Variants in ADAMTS20 observed in about 807,000 individuals in gnomAD.
The protein encoded by ADAMTS20 is ADAM metallopeptidase with thrombospondin type 1 motif 20.
In ADAMTS20, 225 loss-of-function variants were observed where a neutral mutation model predicts 260.1. The observed-to-expected ratio is 0.87, with a 90% CI of 0.78 to 0.97. The LOEUF (loss-of-function observed/expected upper bound fraction) is 0.97, where lower values mean the gene tolerates loss of function less well. Among genes scored for constraint, ADAMTS20 ranks in the 50% least tolerant of loss-of-function variants. The pLI is 0.00. For synonymous variants in ADAMTS20, 802 were observed against 769.5 expected, an observed-to-expected ratio of 1.04 and a Z score of -0.70; for missense variants, 2,400 against 2,337.7, an observed-to-expected ratio of 1.03 and a Z score of -0.55.
Position 43,516,561 on chromosome 12 carries a change from C to T in ADAMTS20, c.614-14156G>A, listed in dbSNP as rs138446659. Among the ~76,000 whole-genome samples the T allele has an allele frequency of 7.4e-3, 1,128 of 152,270 alleles. 18 individuals are homozygous for T. The highest frequency in any genetic ancestry group is 0.027 in the African/African-American group (1,104 of 41,560). ...TAGAAAAAGTTGTATATCTTGCTCT[C>T]TACAAATCTATTTGTTTTCACTTAT... On this transcript the variant is annotated intron_variant, in intron 3 of 38. Transcript: ENST00000389420.
intron 7 of ADAMTS20, among the ~76,000 whole-genome samples, chr12:43,474,039 G>T (rs1258063671): frequency 1.3e-5 from 2 of 151,712 alleles, no homozygotes; most frequent in African/African-American, 2.4e-5. Context: ...AAAAATCAAT[G>T]AATCCAGGAA....
Position 43,543,977 on chromosome 12 carries a change from T to C in ADAMTS20, c.453+6932A>G, listed in dbSNP as rs948034331. 2.6e-5 allele frequency among the ~76,000 whole-genome samples: 4 copies of C among 152,180 alleles called. No homozygotes were observed. In the South Asian group the frequency reaches 8.3e-4, roughly 32 times the overall value. On this transcript the variant is annotated intron_variant, in intron 2 of 38. Transcript: ENST00000389420. ...CAATATTTTTCCAATAGAAAACACA[T>C]AACTGTACCACCAAAACCTAATAGT...
rs772861359 is a variant in ADAMTS20, at chr12:43,468,600, G to A, written c.1223C>T (p.Thr408Ile). ...AFTIAHELGH[T>I]LGVQHDDNPR... ...TAAGGAGGTGACAGAAGGTACTTAC[G>A]TGTGCCCAAGCTCATGGGCTATAGT... Residue 408 changes from threonine (T) to isoleucine (I), a missense_variant and splice_region_variant, in exon 8 of 39, where the codon ACA (threonine) becomes ATA (isoleucine). Coordinates refer to ENST00000389420, the MANE Select transcript of ADAMTS20 (RefSeq NM_025003.5). The A allele has an allele frequency of 2.4e-5, 38 of 1,580,304 alleles. No individual in the cohort carries two copies. The highest frequency in any genetic ancestry group is 5.7e-5 in the South Asian group (5 of 88,200).
chr12:43,501,950 T>C (rs1260455806), intron 4 of ADAMTS20, among the ~76,000 whole-genome samples: 1 of 152,150 alleles, frequency 6.6e-6, no homozygotes, highest in African/African-American at 2.4e-5. Flanking sequence ...TTTTAAATGT[T>C]TTAGAAAGGT....
chr12:43,477,005 AAAAG>A (rs1206054128), intron 7 of ADAMTS20, among the ~76,000 whole-genome samples: 4 of 151,526 alleles, frequency 2.6e-5, no homozygotes, highest in Non-Finnish European at 4.4e-5. Context: ...AAAAAAAAAA[AAAAG>A]TGTCAGACAT....
At chr12:43,445,652 C>T (rs1164587604) in intron 15 of ADAMTS20, among the ~76,000 whole-genome samples, 1 of 149,764 alleles carries the variant, frequency 6.7e-6, no homozygotes, top group African/African-American at 2.5e-5. Context: ...TGAGACCAAC[C>T]TAGCAATACA....
chr12:43,359,897 A>C (rs1939830220), intron 37 of ADAMTS20, among the ~76,000 whole-genome samples: 2 of 152,202 alleles, frequency 1.3e-5, no homozygotes, highest in South Asian at 4.1e-4. Flanking sequence ...TTTTGAAGAA[A>C]ATTTCCAAAA....
chr12:43,393,740 T>C (rs938040530), intron 29 of ADAMTS20, among the ~76,000 whole-genome samples: 2 of 152,064 alleles, frequency 1.3e-5, no homozygotes, highest in Non-Finnish European at 2.9e-5. Context: ...AATATAGTAG[T>C]ACCATTAGCA....
At chr12:43,365,042 C>A (rs1939953709) in intron 37 of ADAMTS20, among the ~76,000 whole-genome samples, 1 of 151,792 alleles carries the variant, frequency 6.6e-6, no homozygotes, top group African/African-American at 2.4e-5. Flanking sequence ...TCCATGGAAC[C>A]CAATAAGATA....
intron 28 of ADAMTS20, chr12:43,423,051 T>G (rs1941264696): frequency 6.6e-6 from 1 of 152,070 alleles, no homozygotes; most frequent in Non-Finnish European, 1.5e-5. Context: ...TGGAATGAAT[T>G]ATTTGTAATT....
intron 9 of ADAMTS20, among the ~76,000 whole-genome samples, chr12:43,465,878 A>G (rs1464520913): frequency 6.6e-6 from 1 of 152,024 alleles, no homozygotes; most frequent in Non-Finnish European, 1.5e-5. Context: ...GCATGATTTT[A>G]TTTTTCCCCA....
intron 26 of ADAMTS20, among the ~76,000 whole-genome samples, chr12:43,427,958 T>A (rs1338054215): frequency 2.0e-5 from 3 of 152,164 alleles, no homozygotes; most frequent in South Asian, 2.1e-4. Flanking sequence ...TTTATAGTCT[T>A]ACCCCTTAAA....
At chr12:43,465,912 G>C (rs2137380713) in intron 9 of ADAMTS20, among the ~76,000 whole-genome samples, 1 of 152,128 alleles carries the variant, frequency 6.6e-6, no homozygotes, top group East Asian at 1.9e-4. Flanking sequence ...GAGGGAATTA[G>C]AAAATAACTG....
chr12:43,547,246 C>T (rs937445392), intron 2 of ADAMTS20, among the ~76,000 whole-genome samples: 9 of 152,202 alleles, frequency 5.9e-5, no homozygotes, highest in Admixed American at 4.6e-4. Flanking sequence ...AAGCCACATT[C>T]GCTGCCACCA....
Position 43,452,357 on chromosome 12 carries a change from A to T in ADAMTS20, c.1996T>A (p.Phe666Ile), listed in dbSNP as rs774546470. Residue 666 changes from phenylalanine to isoleucine, a missense_variant, in exon 14 of 39, where the codon TTC becomes ATC. Transcript: ENST00000389420. ...LYCQVAGTNY[F>I]YLLKDMVEDG... is the part of the protein sequence containing the mutation. ...TCAACCATATCCTTCAATAGGTAGA[A>T]ATAATTGGTTCCAGCAACCTGACAA... 47 of 1,613,324 alleles carry T rather than the reference A, an allele frequency of 2.9e-5. No homozygotes were observed. The highest frequency in any genetic ancestry group is 1.0e-4 in the Admixed American group (6 of 59,926).
intron 28 of ADAMTS20, among the ~76,000 whole-genome samples, chr12:43,418,949 TTTTTCAGCTAAAG>T (rs1327634213): frequency 6.6e-6 from 1 of 152,140 alleles, no homozygotes; most frequent in African/African-American, 2.4e-5. Context: ...GTGAGGTATA[TTTTTCAGCTAAAG>T]AAGTTATTGA....
chr12:43,519,537 C>G lies in ADAMTS20; in HGVS notation c.613+12499G>C, dbSNP rs553860132. ...TCTTATGTGGAACAAGAACAGGAGT[C>G]TCCTCTTAGCAATCAACTTTTTTCT... On this transcript the variant is annotated intron_variant, in intron 3 of 38. Coordinates refer to ENST00000389420, the MANE Select transcript of ADAMTS20 (RefSeq NM_025003.5). Among the ~76,000 whole-genome samples, 26 of 152,216 alleles carry G rather than the reference C, an allele frequency of 1.7e-4. No individual in the cohort carries two copies. The Middle Eastern group carries it at 0.01, about 60-fold the overall frequency.
At chr12:43,394,216 T>C (rs1221290796) in intron 29 of ADAMTS20, among the ~76,000 whole-genome samples, 1 of 152,126 alleles carries the variant, frequency 6.6e-6, no homozygotes, top group Non-Finnish European at 1.5e-5. Flanking sequence ...AAAGTCTTTG[T>C]AGTTTAAATC....
At chr12:43,545,920 C>A (rs554336273) in intron 2 of ADAMTS20, among the ~76,000 whole-genome samples, 5 of 152,206 alleles carry the variant, frequency 3.3e-5, no homozygotes, top group Admixed American at 1.3e-4. Context: ...GACTAACACA[C>A]ACTAGAATGT....
Sources: allele counts gnomAD v4.1 joint callset (sites outside exome capture counted in the v4.1 genomes callset), GRCh38; gene constraint gnomAD v4.1.1; transcripts MANE v1.5; gene names NCBI Gene and HGNC (gene_info 2026-07-23, HGNC 2026-07-21).